BACE1: variants seen among roughly 807,000 people sequenced by gnomAD.
BACE1 encodes the protein beta-secretase 1.
Under a neutral mutation model 54.0 loss-of-function variants are expected in BACE1, and 21 were observed. The observed-to-expected ratio is 0.39, with a 90% CI of 0.28 to 0.56. The LOEUF is 0.56. Ranked by LOEUF, BACE1 falls within the 20% of genes least tolerant of loss-of-function variation. The probability of loss-of-function intolerance (pLI) is 0.63; values close to 1 mark genes in which losing one functional copy is unlikely to be tolerated. For missense variants in BACE1, 511 were observed against 661.2 expected (o/e 0.77, Z 2.49); for synonymous variants, 232 against 260.9 (o/e 0.89, Z 1.07).
chr11:117,294,297 A>C, intron 3 of BACE1: 1 of 201,860 alleles, frequency 5.0e-6, no homozygotes, highest in Non-Finnish European at 1.0e-5. Context: ...GCTCACTGCA[A>C]CCTTCACCTC....
At position 117,287,553 on chromosome 11, in the gene BACE1, A is replaced by G. The variant is rs576680711; in HGVS notation, c.*2013T>C. The stretch of plus-strand genomic sequence containing the variant: ...AAATAATAGGCTGATGGGACTTGCT[A>G]TCGAAGGGGTTGAGTTTTATGCCCT... On this transcript the variant is annotated 3_prime_UTR_variant, in exon 9 of 9. Coordinates refer to ENST00000313005, the MANE Select transcript of BACE1 (RefSeq NM_012104.6). 5.2e-5 allele frequency: 8 copies of G among 152,652 alleles called. No homozygotes were observed. The highest frequency in any genetic ancestry group is 5.2e-4 in the Admixed American group (8 of 15,306). 9.5% of individuals were successfully genotyped at this position (152,652 alleles called of 1,614,324 possible). A position where few individuals can be genotyped will look rare whatever the true frequency, so the allele number is the denominator to read the frequency against.
At chr11:117,297,042 CCA>C (rs1354908622) in intron 1 of BACE1, 81 bp from the exon 2 acceptor site, 1 of 1,014,560 alleles carries the variant, frequency 9.9e-7, no homozygotes, top group Non-Finnish European at 1.5e-6. Context: ...CACGCCCCAG[CCA>C]CAGTCTGCCC....
At chr11:117,292,884 A>C (rs945066242) in intron 5 of BACE1, 170 bp downstream of exon 5, 79 of 728,222 alleles carry the variant, frequency 1.1e-4, no homozygotes, top group Non-Finnish European at 1.6e-4. Flanking sequence ...CCCAAACCGC[A>C]GATCCTGCTG....
rs780431224 is a variant in BACE1 at position 117,290,892 on chromosome 11, G to T, written c.1092+8C>A. ...AGAGAGATCCCCCTGACTCAGGCTG[G>T]GACATACCTGCGGAAGGATGGTGAT... On this transcript the variant is annotated splice_region_variant and intron_variant, in intron 7 of 8. Coordinates refer to ENST00000313005, the MANE Select transcript of BACE1 (RefSeq NM_012104.6). The T allele has an allele frequency of 6.2e-7, 1 of 1,613,378 alleles. No homozygotes were observed. Among genetic ancestry groups the T allele is most frequent in the Non-Finnish European group, 8.5e-7 (1 of 1,179,798 alleles).
At chr11:117,292,561 C>T (rs984136961) in intron 5 of BACE1, among the ~76,000 whole-genome samples, 1 of 152,076 alleles carries the variant, frequency 6.6e-6, no homozygotes, top group Non-Finnish European at 1.5e-5. Flanking sequence ...GATTTAGTTA[C>T]CTTTTATTGA....
rs1591852621 is a variant in BACE1, at chr11:117,290,844, C to G, written c.1092+56G>C. 6.3e-6 allele frequency: 10 copies of G among 1,589,236 alleles called. No individual in the cohort carries two copies. The East Asian group carries it at 2.2e-4, about 36-fold the overall frequency. On this transcript the variant is annotated intron_variant, in intron 7 of 8. Coordinates refer to ENST00000313005, the MANE Select transcript of BACE1 (RefSeq NM_012104.6). The stretch of plus-strand genomic sequence containing the variant: ...AGTTCTGGCAAGCCATACCTGCTCA[C>G]TGTCTCCCAGTGTGTACTTTTAAGA...
chr11:117,303,372 C>T (rs1237222956), intron 1 of BACE1, among the ~76,000 whole-genome samples: 3 of 152,206 alleles, frequency 2.0e-5, no homozygotes, highest in Non-Finnish European at 4.4e-5. Flanking sequence ...AAGGCAGCTT[C>T]ATGGGAAGTG....
At chr11:117,309,585 C>T (rs1025483787) in intron 1 of BACE1, among the ~76,000 whole-genome samples, 1 of 152,222 alleles carries the variant, frequency 6.6e-6, no homozygotes, top group Non-Finnish European at 1.5e-5. Context: ...CCTCCTTTTC[C>T]AGCAAGCTGT....
chr11:117,295,395 TAAGGATCTAAGTTA>T, intron 2 of BACE1, 48 bp from the exon 3 acceptor site: 1 of 1,597,442 alleles, frequency 6.3e-7, no homozygotes, highest in Non-Finnish European at 8.5e-7. Flanking sequence ...ACAACTGGTA[TAAGGATCTAAGTTA>T]AACTTACTCC....
In BACE1 at chr11:117,289,499, C is replaced by A; in HGVS notation, c.*67G>T. On this transcript the variant is annotated 3_prime_UTR_variant, in exon 9 of 9. Coordinates refer to ENST00000313005, the MANE Select transcript of BACE1 (RefSeq NM_012104.6). ...CCACAGGTGCCATCTGTGTCTCCTA[C>A]TTGTGACCAAAGTGAACCACGGAGG... The A allele has an allele frequency of 1.3e-6, 2 of 1,569,818 alleles. No homozygotes were observed. The highest frequency in any genetic ancestry group is 1.7e-6 in the Non-Finnish European group (2 of 1,157,512).
In BACE1 at chr11:117,287,555, C is replaced by T. The variant is rs545338170; in HGVS notation, c.*2011G>A. On this transcript the variant is annotated 3_prime_UTR_variant, in exon 9 of 9. Coordinates refer to ENST00000313005, the MANE Select transcript of BACE1 (RefSeq NM_012104.6). ...ATAATAGGCTGATGGGACTTGCTAT[C>T]GAAGGGGTTGAGTTTTATGCCCTGG... is the stretch of plus-strand genomic sequence containing the variant. The T allele has an allele frequency of 1.3e-5, 2 of 152,516 alleles. No individual in the cohort carries two copies. Among genetic ancestry groups the T allele is most frequent in the South Asian group, 2.1e-4 (1 of 4,828 alleles). The allele number at this position is 152,516 out of a possible 1,614,324, so 9.4% of individuals were successfully genotyped here.
intron 1 of BACE1, among the ~76,000 whole-genome samples, chr11:117,312,282 C>T (rs1452896716): frequency 6.6e-6 from 1 of 152,138 alleles, no homozygotes; most frequent in Non-Finnish European, 1.5e-5. Flanking sequence ...GTGTAACGTG[C>T]AATTACAGTA....
chr11:117,297,112 T>TA, intron 1 of BACE1, 151 bp from the exon 2 acceptor site: 1 of 617,588 alleles, frequency 1.6e-6, no homozygotes, highest in Middle Eastern at 3.2e-4. Context: ...TGGCACCCGT[T>TA]ACCACCACGA....
chr11:117,297,083 A>C, intron 1 of BACE1, 122 bp from the exon 2 acceptor site: 1 of 746,764 alleles, frequency 1.3e-6, no homozygotes, highest in South Asian at 1.6e-5. Flanking sequence ...AAGCTCCACG[A>C]TGCAGGACTG....
chr11:117,304,727 A>T (rs1415129926), intron 1 of BACE1, among the ~76,000 whole-genome samples: 1 of 152,224 alleles, frequency 6.6e-6, no homozygotes, highest in Non-Finnish European at 1.5e-5. Context: ...TTCCTCTTGC[A>T]AATCCTCAGT....
chr11:117,303,126 C>T (rs1284360434), intron 1 of BACE1, among the ~76,000 whole-genome samples: 2 of 152,120 alleles, frequency 1.3e-5, no homozygotes, highest in Admixed American at 1.3e-4. Flanking sequence ...GCTCCCAAAC[C>T]ATGGGTGTTT....
rs754775808 is a variant in BACE1 at position 117,315,504 on chromosome 11, G to A, written c.261+31C>T. 1.3e-6 allele frequency: 2 copies of A among 1,562,614 alleles called. No homozygotes were observed. Among genetic ancestry groups the A allele is most frequent in the Admixed American group, 4.0e-5 (2 of 50,358 alleles). ...CTGTCTCCCCTCTGCTCATGCAGGC[G>A]GAGGGCTAAGGGCTGGCCTGACCAC... is the stretch of plus-strand genomic sequence containing the variant. On this transcript the variant is annotated intron_variant, in intron 1 of 8. Transcript: ENST00000313005. This position sits in a 1 kb window ranked among gnomAD's most constrained non-coding sequence, Gnocchi z 5.5.
Position 117,291,723 on chromosome 11 carries a change from C to A in BACE1, c.931G>T (p.Ala311Ser). Residue 311 changes from alanine to serine, a missense_variant, in exon 6 of 9, where the codon GCA becomes TCA. By Grantham distance (99) the Ala-to-Ser change is moderately conservative. Around this residue, in one of 2 missense-constraint regions of BACE1, gnomAD observed 407 missense variants for 565.7 expected, o/e 0.72. Transcript: ENST00000313005. ...CTTAGTCCACTCACGGAGGAGGCTG[C>A]CTTGATGGATTTGACTGCAGCTTCA... The part of the protein sequence containing the change: ...VFEAAVKSIK[A>S]ASSTEKFPDG... The A allele has an allele frequency of 6.2e-7, 1 of 1,612,708 alleles. No individual in the cohort carries two copies. Among genetic ancestry groups the A allele is most frequent in the Non-Finnish European group, 8.5e-7 (1 of 1,178,838 alleles).
chr11:117,292,882 G>C, intron 5 of BACE1, 172 bp downstream of exon 5: 1 of 692,122 alleles, frequency 1.4e-6, no homozygotes, highest in Non-Finnish European at 2.3e-6. Flanking sequence ...GCCCCAAACC[G>C]CAGATCCTGC....
Sources: gnomAD v4.1 joint callset for allele counts (sites outside exome capture counted in the v4.1 genomes callset) on GRCh38, gnomAD v4.1.1 for gene constraint, gnomAD v4.1.1 regional missense constraint, Gnocchi (gnomAD v3.1) non-coding constraint, MANE v1.5 for transcripts, NCBI Gene and HGNC (gene_info 2026-07-23, HGNC 2026-07-21) for gene names.